Variants in SLC41A3 observed in about 807,000 individuals in gnomAD.
The protein encoded by SLC41A3 is SLC41A1-like 2.
A neutral mutation model predicts 45.4 loss-of-function variants in SLC41A3; 44 were observed. The observed-to-expected ratio is 0.97, with a 90% CI of 0.76 to 1.25. The LOEUF (loss-of-function observed/expected upper bound fraction) is 1.25. SLC41A3 is among the 50% of genes most tolerant of loss of function. The pLI is 0.00. For missense variants in SLC41A3, 550 were observed against 600.6 expected (o/e 0.92, Z 0.88); for synonymous variants, 256 against 252.4 (o/e 1.01, Z -0.13).
At chr3:126,070,000 CA>C (rs1944539955) in intron 1 of SLC41A3, among the ~76,000 whole-genome samples, 1 of 150,538 alleles carries the variant, frequency 6.6e-6, no homozygotes. Context: ...GAATATCAAG[CA>C]TAACAATATA....
At chr3:126,078,323 TA>T (rs918323928) in intron 1 of SLC41A3, among the ~76,000 whole-genome samples, 27 of 152,196 alleles carry the variant, frequency 1.8e-4, no homozygotes, top group Admixed American at 1.6e-3. Flanking sequence ...GCAATGCTGG[TA>T]AAACTGAGCC....
chr3:126,026,224 C>A lies in SLC41A3; in HGVS notation c.598+111G>T. The A allele has an allele frequency of 1.4e-6, 2 of 1,450,512 alleles. No individual in the cohort carries two copies. The highest frequency in any genetic ancestry group is 1.4e-5 in the African/African-American group (1 of 70,558). 89.9% of individuals were successfully genotyped at this position (1,450,512 alleles called of 1,614,324 possible). ...GAGAACCCTGAGCCCACCATCAGTC[C>A]CATTAGCAGTGGGACTCACACCCCC... On this transcript the variant is annotated intron_variant, in intron 5 of 10. Transcript: ENST00000360370. This position sits in a 1 kb window ranked among gnomAD's most constrained non-coding sequence, Gnocchi z 4.2.
At chr3:126,056,611 C>A in intron 2 of SLC41A3, 2 of 1,558,176 alleles carry the variant, frequency 1.3e-6, no homozygotes, top group South Asian at 1.2e-5. Context: ...GTGCTCCAGT[C>A]CTCTCCTCCT....
intron 6 of SLC41A3, among the ~76,000 whole-genome samples, chr3:126,017,192 G>C (rs932815191): frequency 5.9e-5 from 9 of 152,202 alleles, no homozygotes; most frequent in African/African-American, 2.2e-4. Context: ...ACAATGTATG[G>C]AATGCACCAT....
At position 126,006,833 on chromosome 3, in the gene SLC41A3, T is replaced by C. The variant is rs569181085; in HGVS notation, c.*183A>G. Reference sequence around the variant, plus strand: ...CCATGCTCTTGATTTCAGGGCTCTATTGCAGGCTCAGGTATCAACCCCAGA... The same window carrying C: ...CCATGCTCTTGATTTCAGGGCTCTACTGCAGGCTCAGGTATCAACCCCAGA... On this transcript the variant is annotated 3_prime_UTR_variant, in exon 11 of 11. Coordinates refer to ENST00000360370, the MANE Select transcript of SLC41A3 (RefSeq NM_017836.4). 47 of 1,455,322 alleles carry C rather than the reference T, an allele frequency of 3.2e-5. No individual in the cohort carries two copies. The East Asian group carries it at 1.2e-3, about 36-fold the overall frequency. 90.2% of individuals were successfully genotyped at this position (1,455,322 alleles called of 1,614,324 possible).
intron 9 of SLC41A3, 59 bp from the exon 10 acceptor site, chr3:126,008,939 G>A: frequency 1.9e-6 from 3 of 1,599,392 alleles, no homozygotes; most frequent in African/African-American, 2.7e-5. Context: ...TTTGGCATGT[G>A]ACAGTCCTCA....
rs780165041 is a variant in SLC41A3, at chr3:126,016,686, T to C, written c.890+45A>G. ...GTCACCCTGGTTCTAGGGGCCTTCA[T>C]GGCTGAGAGGAGGAAGAGGGGCCGT... is the stretch of plus-strand genomic sequence containing the variant. On this transcript the variant is annotated intron_variant, in intron 7 of 10. Transcript: ENST00000360370. 6 of 1,576,468 alleles carry C rather than the reference T, an allele frequency of 3.8e-6. No homozygotes were observed. The Admixed American group carries it at 1.2e-4, about 31-fold the overall frequency.
chr3:126,087,237 T>C (rs1004620675), upstream of SLC41A3, among the ~76,000 whole-genome samples: 2 of 152,134 alleles, frequency 1.3e-5, no homozygotes, highest in Non-Finnish European at 2.9e-5. Flanking sequence ...GAAAAAATAC[T>C]CTTATATTTA....
At position 126,026,516 on chromosome 3, in the gene SLC41A3, C is replaced by G; in HGVS notation, c.454-37G>C. 6.3e-7 allele frequency: 1 copy of G among 1,586,840 alleles called. No individual in the cohort carries two copies. The highest frequency in any genetic ancestry group is 8.6e-7 in the Non-Finnish European group (1 of 1,165,794). ...AAATCAGAAGCATGAAGGGGGGCCC[C>G]GGGGCCACAGCCACACTCCCTGCCC... is the stretch of plus-strand genomic sequence containing the variant. On this transcript the variant is annotated intron_variant, in intron 4 of 10. Transcript: ENST00000360370. The surrounding 1 kb of genome is among the most constrained non-coding windows in gnomAD (Gnocchi z 4.2).
chr3:126,069,549 T>TTCC (rs1944518169), intron 1 of SLC41A3, among the ~76,000 whole-genome samples: 1 of 152,142 alleles, frequency 6.6e-6, no homozygotes. Context: ...TGTCACGTTA[T>TTCC]ATACTGTTAA....
chr3:126,030,150 T>A (rs1329023273), intron 4 of SLC41A3, among the ~76,000 whole-genome samples: 1 of 133,420 alleles, frequency 7.5e-6, no homozygotes, highest in African/African-American at 2.6e-5. Flanking sequence ...ATATATTATA[T>A]ATGTTATTAT....
chr3:126,017,538 C>A (rs79009996), intron 6 of SLC41A3, among the ~76,000 whole-genome samples: 1 of 152,244 alleles, frequency 6.6e-6, no homozygotes, highest in African/African-American at 2.4e-5. Flanking sequence ...CAGGACAAGC[C>A]TGACACACTC....
chr3:126,007,993 C>T (rs1323003765), intron 10 of SLC41A3, among the ~76,000 whole-genome samples: 2 of 152,228 alleles, frequency 1.3e-5, no homozygotes, highest in Admixed American at 6.5e-5. Context: ...TGCTGTCCAG[C>T]CCTGATCAAT....
At chr3:126,040,612 T>C (rs924920402) in intron 3 of SLC41A3, among the ~76,000 whole-genome samples, 6 of 152,122 alleles carry the variant, frequency 3.9e-5, no homozygotes, top group Middle Eastern at 3.4e-3. Flanking sequence ...TGTGGCCACC[T>C]GGCCTGGCTC....
intron 5 of SLC41A3, chr3:126,023,790 A>C (rs1177670766): frequency 1.3e-5 from 2 of 152,192 alleles, no homozygotes; most frequent in Admixed American, 6.5e-5. Flanking sequence ...CCCCATCCAC[A>C]GCCTAGGACT....
chr3:126,047,337 T>C (rs1559854045), intron 3 of SLC41A3, among the ~76,000 whole-genome samples: 1 of 152,216 alleles, frequency 6.6e-6, no homozygotes, highest in East Asian at 1.9e-4. Flanking sequence ...CACTCCAGCC[T>C]GGGTGACCCT....
intron 9 of SLC41A3, among the ~76,000 whole-genome samples, chr3:126,009,383 C>T (rs1202658904): frequency 6.6e-6 from 1 of 152,172 alleles, no homozygotes; most frequent in Admixed American, 6.5e-5. Flanking sequence ...GGACCTCGGG[C>T]AGCCCCTTCT....
intron 6 of SLC41A3, among the ~76,000 whole-genome samples, chr3:126,018,138 C>T (rs937391782): frequency 6.6e-6 from 1 of 152,134 alleles, no homozygotes; most frequent in African/African-American, 2.4e-5. Context: ...TTATCTAATA[C>T]AGGCCAGTCC....
chr3:126,091,552 T>C (rs977761517), intron 1 of SLC41A3, among the ~76,000 whole-genome samples: 1 of 152,116 alleles, frequency 6.6e-6, no homozygotes, highest in Non-Finnish European at 1.5e-5. Flanking sequence ...TAGGTTGAAA[T>C]AGGGGTTGTG....
Sources: allele counts gnomAD v4.1 joint callset (sites outside exome capture counted in the v4.1 genomes callset), GRCh38; gene constraint gnomAD v4.1.1; non-coding constraint Gnocchi (gnomAD v3.1); transcripts MANE v1.5; gene names NCBI Gene and HGNC (gene_info 2026-07-23, HGNC 2026-07-21).